ZNF410: variants seen among roughly 807,000 people sequenced by gnomAD.
The protein encoded by ZNF410 is another partner for ARF 1.
ZNF410 carries 18 observed loss-of-function variants against 54.8 expected under a neutral mutation model. The ratio of observed to expected loss-of-function variants is 0.33; its 90% CI spans 0.23 to 0.49. The LOEUF is 0.49. Among genes scored for constraint, ZNF410 ranks in the 20% least tolerant of loss-of-function variants. The pLI is 0.99. For synonymous variants in ZNF410, 191 were observed against 207.3 expected, an observed-to-expected ratio of 0.92 and a Z score of 0.68; for missense variants, 405 against 569.6, an observed-to-expected ratio of 0.71 and a Z score of 2.94.
At chr14:73,892,456 A>G (rs187008783) in intron 2 of ZNF410, among the ~76,000 whole-genome samples, 1 of 151,780 alleles carries the variant, frequency 6.6e-6, no homozygotes, top group Non-Finnish European at 1.5e-5. Context: ...ATAAAATCTT[A>G]TAAATAAAAA....
chr14:73,902,522 G>A (rs1168323042), intron 5 of ZNF410, among the ~76,000 whole-genome samples: 1 of 152,162 alleles, frequency 6.6e-6, no homozygotes, highest in African/African-American at 2.4e-5. Flanking sequence ...ATAGCAAGGA[G>A]AAGATTAATA....
intron 8 of ZNF410, chr14:73,920,561 G>A (rs2055741040): frequency 6.2e-6 from 1 of 161,214 alleles, no homozygotes; most frequent in Non-Finnish European, 1.4e-5. Context: ...CCACCAGTGT[G>A]AATGTTGATG....
rs1480397111 is a variant in ZNF410 at position 73,923,507 on chromosome 14, A to G, written c.1383A>G (p.Ala461=). The G allele has an allele frequency of 1.9e-6, 3 of 1,613,098 alleles. No individual in the cohort carries two copies. The highest frequency in any genetic ancestry group is 2.5e-6 in the Non-Finnish European group (3 of 1,179,592). Residue 461 remains alanine (A), a synonymous_variant, in exon 11 of 12, where the codon GCA becomes GCG. Transcript: ENST00000555044. ...RQSYEVSVLT[A]VNPQELLNQG... ...CATATGAAGTTTCTGTCTTAACTGCAGTAAATCCACAAGAGGTAAAGTGGT... is the reference window on the plus strand; with the variant it reads ...CATATGAAGTTTCTGTCTTAACTGCGGTAAATCCACAAGAGGTAAAGTGGT...
intron 6 of ZNF410, among the ~76,000 whole-genome samples, chr14:73,904,554 C>G (rs2140305665): frequency 6.6e-6 from 1 of 152,290 alleles, no homozygotes; most frequent in Non-Finnish European, 1.5e-5. Flanking sequence ...GCCTCGAACT[C>G]CTGTGCTCAA....
intron 4 of ZNF410, among the ~76,000 whole-genome samples, chr14:73,897,710 A>C (rs1290326649): frequency 1.3e-5 from 2 of 152,080 alleles, no homozygotes; most frequent in African/African-American, 4.8e-5. Context: ...GCAGTGGCTC[A>C]CGCCTGTAAT....
intron 11 of ZNF410, 120 bp downstream of exon 11, chr14:73,923,642 C>G: frequency 7.5e-7 from 1 of 1,340,810 alleles, no homozygotes; most frequent in East Asian, 2.4e-5. Context: ...CGAATATTTT[C>G]CTTTAAATTA....
chr14:73,916,966 C>T (rs1455148654), intron 8 of ZNF410, among the ~76,000 whole-genome samples: 13 of 149,894 alleles, frequency 8.7e-5, no homozygotes, highest in African/African-American at 2.9e-4. Context: ...GGAAACAGAG[C>T]GAGACTGCGT....
chr14:73,893,895 G>T lies in ZNF410; in HGVS notation c.132G>T (p.Val44=). Residue 44 remains valine, a synonymous_variant, in exon 3 of 12, where the codon GTG becomes GTT. Coordinates refer to ENST00000555044, the MANE Select transcript of ZNF410 (RefSeq NM_021188.3). Reference sequence around the variant, plus strand: ...TTACTTGCTTGTCCCTCCTTCCCGTGACTGAAGCCTCAGAATGCAGTCGGC... The same window carrying T: ...TTACTTGCTTGTCCCTCCTTCCCGTTACTGAAGCCTCAGAATGCAGTCGGC... ...KDITCLSLLP[V]TEASECSRLM... is the part of the protein sequence containing the mutation. The T allele has an allele frequency of 6.2e-7, 1 of 1,613,832 alleles. No homozygotes were observed. The highest frequency in any genetic ancestry group is 8.5e-7 in the Non-Finnish European group (1 of 1,179,924).
At chr14:73,902,863 C>T (rs1022776469) in intron 5 of ZNF410, among the ~76,000 whole-genome samples, 1 of 152,192 alleles carries the variant, frequency 6.6e-6, no homozygotes, top group Non-Finnish European at 1.5e-5. Flanking sequence ...CTCCTCACCT[C>T]TCTTTATTCT....
At chr14:73,905,209 T>C (rs542012066) in intron 7 of ZNF410, 126 bp downstream of exon 7, 209 of 969,556 alleles carry the variant, frequency 2.2e-4, no homozygotes, top group Middle Eastern at 3.4e-4. Flanking sequence ...ACTCTGAAGA[T>C]GGGATTTCTT....
At chr14:73,930,408 C>T (rs1460194542) in intron 11 of ZNF410, among the ~76,000 whole-genome samples, 1 of 152,168 alleles carries the variant, frequency 6.6e-6, no homozygotes, top group Non-Finnish European at 1.5e-5. Context: ...AGCAATCCTC[C>T]TCCCTCAGCC....
chr14:73,926,550 CAA>C (rs1004967066), intron 11 of ZNF410, among the ~76,000 whole-genome samples: 29 of 152,046 alleles, frequency 1.9e-4, no homozygotes, highest in African/African-American at 6.8e-4. Context: ...TCTCCTGCCT[CAA>C]GTCTCCCAAT....
intron 7 of ZNF410, chr14:73,905,552 A>G (rs1418976478): frequency 6.5e-6 from 1 of 153,120 alleles, no homozygotes; most frequent in Non-Finnish European, 1.5e-5. Context: ...TCACAACGTG[A>G]GAAACAGAAT....
At chr14:73,923,771 C>G (rs560242754) in intron 11 of ZNF410, among the ~76,000 whole-genome samples, 1 of 152,292 alleles carries the variant, frequency 6.6e-6, no homozygotes, top group African/African-American at 2.4e-5. Flanking sequence ...TTGTTGATGT[C>G]TGTTCCCACT....
At position 73,892,012 on chromosome 14, in the gene ZNF410, T is replaced by C. The variant is rs2055237607; in HGVS notation, c.-149-15T>C. 2 of 779,422 alleles carry C rather than the reference T, an allele frequency of 2.6e-6. No individual in the cohort carries two copies. Among genetic ancestry groups the C allele is most frequent in the Non-Finnish European group, 4.5e-6 (2 of 440,508 alleles). The allele number at this position is 779,422 out of a possible 1,614,324, so 48.3% of individuals were successfully genotyped here. On this transcript the variant is annotated splice_polypyrimidine_tract_variant and intron_variant, in intron 1 of 11. Coordinates refer to ENST00000555044, the MANE Select transcript of ZNF410 (RefSeq NM_021188.3). ...GCTCTTAATGCCCCCTCTCTCTTTT[T>C]TACCCCTATTCTAGGTTACATTGAT... is the stretch of plus-strand genomic sequence containing the variant.
chr14:73,931,380 GATAGCCTTCA>G, intron 11 of ZNF410, 113 bp from the exon 12 acceptor site: 1 of 776,522 alleles, frequency 1.3e-6, no homozygotes. Flanking sequence ...TTTGGAAGTA[GATAGCCTTCA>G]TTCACCCCTG....
intron 1 of ZNF410, chr14:73,891,804 T>A: frequency 1.8e-6 from 1 of 551,414 alleles, no homozygotes; most frequent in Non-Finnish European, 3.2e-6. Context: ...TTTAAGATAG[T>A]TTTTTAGATT....
chr14:73,927,364 C>T, intron 11 of ZNF410: 1 of 155,262 alleles, frequency 6.4e-6, no homozygotes, highest in Non-Finnish European at 1.4e-5. Flanking sequence ...CAGGCATGAG[C>T]CACTGCGCCC....
chr14:73,901,242 G>C (rs78623453), intron 5 of ZNF410, among the ~76,000 whole-genome samples: 1,904 of 152,258 alleles, frequency 0.013, 23 homozygotes, highest in Non-Finnish European at 0.022. Context: ...ATTGTCTAAG[G>C]CTGCTACTAT....
Sources: gnomAD v4.1 joint callset for allele counts (sites outside exome capture counted in the v4.1 genomes callset) on GRCh38, gnomAD v4.1.1 for gene constraint, MANE v1.5 for transcripts, NCBI Gene and HGNC (gene_info 2026-07-23, HGNC 2026-07-21) for gene names.